SLC44A5: variants seen among roughly 807,000 people sequenced by gnomAD.
SLC44A5 encodes the protein solute carrier family 44 member 5.
SLC44A5 carries 57 observed loss-of-function variants against 101.8 expected under a neutral mutation model. That is an observed-to-expected ratio of 0.56 (90% CI 0.45 to 0.70). The LOEUF (loss-of-function observed/expected upper bound fraction) is 0.70, where lower values mean the gene tolerates loss of function less well. Ranked by LOEUF, SLC44A5 falls within the 30% of genes least tolerant of loss-of-function variation. SLC44A5 has a pLI of 0.00. For missense variants in SLC44A5, 737 were observed against 853.1 expected (o/e 0.86, Z 1.70); for synonymous variants, 281 against 290.9 (o/e 0.97, Z 0.35).
rs1658231002 is a variant in SLC44A5, at chr1:75,346,066, A to C, written c.53-6436T>G. On this transcript the variant is annotated intron_variant, in intron 3 of 23. Coordinates refer to ENST00000370859, the MANE Select transcript of SLC44A5 (RefSeq NM_001130058.2). ...ATGATGACAACGCCTCATGCAGAAAATGATGAGCATTCCCAAAACTCATCT... is the reference window on the plus strand; with the variant it reads ...ATGATGACAACGCCTCATGCAGAAACTGATGAGCATTCCCAAAACTCATCT... 2.6e-5 allele frequency among the ~76,000 whole-genome samples: 4 copies of C among 152,270 alleles called. No homozygotes were observed. In the South Asian group the frequency reaches 8.3e-4, roughly 32 times the overall value.
At position 75,329,716 on chromosome 1, in the gene SLC44A5, T is replaced by G. The variant is rs569256892; in HGVS notation, c.101+9866A>C. ...TGAAATTCCGCCAATATTTCATCTC[T>G]GATATTTTACACATATGCCGAGGCC... On this transcript the variant is annotated intron_variant, in intron 4 of 23. Transcript: ENST00000370859. 3.9e-5 allele frequency among the ~76,000 whole-genome samples: 6 copies of G among 152,302 alleles called. No homozygotes were observed. In the South Asian group the frequency reaches 1.2e-3, roughly 32 times the overall value.
chr1:75,656,767 G>T, the SLC44A5 span, among the ~76,000 whole-genome samples: 2 of 152,012 alleles, frequency 1.3e-5, no homozygotes, highest in Admixed American at 6.6e-5. Flanking sequence ...AAGGAGGAGA[G>T]AAATTCTAAA....
At chr1:75,466,252 A>G (rs750060577) in intron 2 of SLC44A5, among the ~76,000 whole-genome samples, 2 of 152,182 alleles carry the variant, frequency 1.3e-5, no homozygotes, top group African/African-American at 2.4e-5. Flanking sequence ...GATATATCAT[A>G]TTAACAGAAT....
At chr1:75,630,171 G>T in the SLC44A5 span, among the ~76,000 whole-genome samples, 24 of 152,228 alleles carry the variant, frequency 1.6e-4, no homozygotes, top group Admixed American at 2.6e-4. Context: ...CCTCTGGGTG[G>T]CAGAAATACA....
intron 2 of SLC44A5, among the ~76,000 whole-genome samples, chr1:75,408,811 A>G (rs1663082519): frequency 1.3e-5 from 2 of 152,182 alleles, no homozygotes; most frequent in Non-Finnish European, 2.9e-5. Context: ...TACCTATGTA[A>G]CAAACCTGCA....
At chr1:75,604,350 T>G (rs912152566) in intron 1 of SLC44A5, among the ~76,000 whole-genome samples, 9 of 151,984 alleles carry the variant, frequency 5.9e-5, no homozygotes, top group African/African-American at 2.2e-4. Flanking sequence ...TCTGGGTTCT[T>G]TCTTCTGTTC....
intron 2 of SLC44A5, among the ~76,000 whole-genome samples, chr1:75,401,417 T>C (rs1454911583): frequency 6.6e-6 from 1 of 152,180 alleles, no homozygotes; most frequent in East Asian, 1.9e-4. Flanking sequence ...TGTGACATGA[T>C]AGATGCTGTG....
chr1:75,276,489 C>T (rs1157219075), intron 5 of SLC44A5, among the ~76,000 whole-genome samples: 1 of 151,902 alleles, frequency 6.6e-6, no homozygotes, highest in East Asian at 1.9e-4. Context: ...AATGAGCACC[C>T]GAAGCATTTA....
chr1:75,312,531 G>A (rs930123160), intron 4 of SLC44A5, among the ~76,000 whole-genome samples: 25 of 152,014 alleles, frequency 1.6e-4, no homozygotes, highest in African/African-American at 4.8e-4. Context: ...TTACAGAAGC[G>A]AGTTTGGTTC....
intron 6 of SLC44A5, among the ~76,000 whole-genome samples, chr1:75,270,655 A>C (rs578073017): frequency 1.5e-3 from 236 of 152,274 alleles, no homozygotes; most frequent in African/African-American, 5.5e-3. Context: ...GAAAATCAAC[A>C]GAATCAACTG....
At chr1:75,693,385 G>A in the SLC44A5 span, among the ~76,000 whole-genome samples, 1 of 152,114 alleles carries the variant, frequency 6.6e-6, no homozygotes, top group South Asian at 2.1e-4. Flanking sequence ...CAGCAGCCCC[G>A]GTTAGGATTT....
chr1:75,312,379 G>A (rs996693283), intron 4 of SLC44A5, among the ~76,000 whole-genome samples: 5 of 152,120 alleles, frequency 3.3e-5, no homozygotes, highest in Non-Finnish European at 5.9e-5. Context: ...GTTTGAATGT[G>A]TCCCCCAAGG....
At chr1:75,639,035 C>T in the SLC44A5 span, among the ~76,000 whole-genome samples, 5 of 151,930 alleles carry the variant, frequency 3.3e-5, no homozygotes, top group Non-Finnish European at 7.4e-5. Flanking sequence ...GAGTGATTTC[C>T]ACGGGCTGAG....
chr1:75,351,846 CAAAAAAAAAA>C (rs71071942), intron 3 of SLC44A5, among the ~76,000 whole-genome samples: 1 of 28,402 alleles, frequency 3.5e-5, no homozygotes, highest in African/African-American at 1.3e-4. Context: ...CACACTTTAC[CAAAAAAAAAA>C]AAAAAAAAAA....
chr1:75,222,777 T>C (rs548714529), intron 13 of SLC44A5, among the ~76,000 whole-genome samples: 1 of 152,314 alleles, frequency 6.6e-6, no homozygotes, highest in East Asian at 1.9e-4. Flanking sequence ...CTTTAGGTAG[T>C]TCTATTTTAG....
intron 23 of SLC44A5, among the ~76,000 whole-genome samples, chr1:75,208,153 C>A (rs1646784325): frequency 6.6e-6 from 1 of 152,036 alleles, no homozygotes; most frequent in Non-Finnish European, 1.5e-5. Flanking sequence ...AAGAACAAAT[C>A]TTCGGTTTTT....
chr1:75,303,120 A>G (rs1325676786), intron 4 of SLC44A5, among the ~76,000 whole-genome samples: 3 of 152,220 alleles, frequency 2.0e-5, no homozygotes, highest in Admixed American at 6.5e-5. Flanking sequence ...ATAATGCTAC[A>G]TAGTCAATGC....
chr1:75,642,566 G>A, the SLC44A5 span, among the ~76,000 whole-genome samples: 2 of 148,426 alleles, frequency 1.3e-5, no homozygotes, highest in Admixed American at 6.6e-5. Context: ...TTATAGAGAC[G>A]AATAAGAAAT....
At chr1:75,586,804 C>T (rs902747077) in intron 1 of SLC44A5, among the ~76,000 whole-genome samples, 1 of 152,068 alleles carries the variant, frequency 6.6e-6, no homozygotes, top group South Asian at 2.1e-4. Flanking sequence ...CTATGTACCC[C>T]AAGGGCCTAG....
Sources: allele counts gnomAD v4.1 joint callset (sites outside exome capture counted in the v4.1 genomes callset), GRCh38; gene constraint gnomAD v4.1.1; transcripts MANE v1.5; gene names NCBI Gene and HGNC (gene_info 2026-07-23, HGNC 2026-07-21).